TWIST2: variants seen among roughly 807,000 people sequenced by gnomAD.
TWIST2 encodes twist-related protein 2.
Under a neutral mutation model 11.6 loss-of-function variants are expected in TWIST2, and 1 was observed. The observed-to-expected ratio is 0.09, with a 90% confidence interval of 0.03 to 0.41. TWIST2 has a LOEUF of 0.41. TWIST2 is among the 10% of genes least tolerant of loss of function. The pLI, the probability that TWIST2 is intolerant of heterozygous loss-of-function variation, is 0.98. For missense variants in TWIST2, 168 were observed against 226.4 expected (o/e 0.74, Z 1.66); for synonymous variants, 87 against 96.6 (o/e 0.90, Z 0.58).
Position 238,858,692 on chromosome 2 carries a change from T to C in TWIST2, c.*35+9959T>C, listed in dbSNP as rs572819672. Reference sequence around the variant, plus strand: ...GTAAAATAATGGACTAAGTTTCTTATAGCCCTCTGGCTACTAGAATTCTAA... The same window carrying C: ...GTAAAATAATGGACTAAGTTTCTTACAGCCCTCTGGCTACTAGAATTCTAA... On this transcript the variant is annotated intron_variant, in intron 1 of 1. Coordinates refer to ENST00000612363, the MANE Select transcript of TWIST2 (RefSeq NM_001271893.4). Among the ~76,000 whole-genome samples, 132 of 152,326 alleles carry C rather than the reference T, an allele frequency of 8.7e-4. 1 individual carries two copies. Among genetic ancestry groups the C allele is most frequent in the Non-Finnish European group, 1.3e-3 (86 of 68,030 alleles).
At chr2:238,899,154 C>T (rs926874507) in intron 1 of TWIST2, among the ~76,000 whole-genome samples, 6 of 152,278 alleles carry the variant, frequency 3.9e-5, no homozygotes, top group Non-Finnish European at 7.3e-5. Context: ...GACCGCTGGC[C>T]ACGGGAGCCA....
Position 238,848,137 on chromosome 2 carries a change from C to G in TWIST2, c.-79C>G, listed in dbSNP as rs958090128. On this transcript the variant is annotated 5_prime_UTR_variant, in exon 1 of 2. Transcript: ENST00000612363. ...TTTCCAGCAACTCCGAGAGCGTGTG[C>G]TCGGCGACCGCGGGCTTGGCCAGCG... 5 of 1,122,816 alleles carry G rather than the reference C, an allele frequency of 4.5e-6. No individual in the cohort carries two copies. The highest frequency in any genetic ancestry group is 5.5e-6 in the Non-Finnish European group (5 of 912,666). The allele number at this position is 1,122,816 out of a possible 1,614,324, so 69.6% of individuals were successfully genotyped here.
chr2:238,904,569 A>G (rs1367284098), intron 1 of TWIST2, among the ~76,000 whole-genome samples: 1 of 151,882 alleles, frequency 6.6e-6, no homozygotes, highest in Admixed American at 6.6e-5. Context: ...TGACTGTCCA[A>G]CGGTGTCCAT....
chr2:238,866,678 G>A lies in TWIST2; in HGVS notation c.*35+17945G>A, dbSNP rs181803821. On this transcript the variant is annotated intron_variant, in intron 1 of 1. Coordinates refer to ENST00000612363, the MANE Select transcript of TWIST2 (RefSeq NM_001271893.4). The surrounding 1 kb of genome is among the most constrained non-coding windows in gnomAD (Gnocchi z 4.9). ...CCATGGAAAAAAAAAAGAAAAGCAC[G>A]GCGCCTTCATGTTCCATGCCTTCAC... is the stretch of plus-strand genomic sequence containing the variant. Among the ~76,000 whole-genome samples, 7 of 152,120 alleles carry A rather than the reference G, an allele frequency of 4.6e-5. No homozygotes were observed. The East Asian group carries it at 1.2e-3, about 25-fold the overall frequency.
intron 1 of TWIST2, among the ~76,000 whole-genome samples, chr2:238,855,868 C>T (rs371176126): frequency 1.3e-5 from 2 of 152,198 alleles, no homozygotes; most frequent in African/African-American, 2.4e-5. Flanking sequence ...TCAGCACCCC[C>T]GCCTCAGTGT....
intron 1 of TWIST2, among the ~76,000 whole-genome samples, chr2:238,900,587 G>A (rs966556680): frequency 1.3e-5 from 2 of 152,306 alleles, no homozygotes; most frequent in Non-Finnish European, 2.9e-5. Flanking sequence ...GCTGCTGAGC[G>A]GTGCACATTC....
chr2:238,859,823 A>G (rs146084750), intron 1 of TWIST2, among the ~76,000 whole-genome samples: 83 of 152,302 alleles, frequency 5.4e-4, no homozygotes, highest in Non-Finnish European at 9.4e-4. Context: ...GTGTCAAACA[A>G]TTCTGAGGCA....
chr2:238,856,298 T>A (rs1165772827), intron 1 of TWIST2, among the ~76,000 whole-genome samples: 1 of 152,190 alleles, frequency 6.6e-6, no homozygotes, highest in Non-Finnish European at 1.5e-5. Context: ...TTTCAGACTA[T>A]TTTTTTCTGA....
At chr2:238,871,656 CCA>C (rs1168223928) in intron 1 of TWIST2, among the ~76,000 whole-genome samples, 7 of 74,202 alleles carry the variant, frequency 9.4e-5, no homozygotes, top group African/African-American at 2.9e-4. Context: ...AACACCCCCC[CCA>C]CACACACCAT....
chr2:238,899,198 G>A (rs1367687830), intron 1 of TWIST2, among the ~76,000 whole-genome samples: 1 of 152,256 alleles, frequency 6.6e-6, no homozygotes, highest in African/African-American at 2.4e-5. Context: ...GCATCCCTAA[G>A]GCTTCAGCTG....
chr2:238,905,007 AAGG>A (rs1200653466), intron 1 of TWIST2, among the ~76,000 whole-genome samples: 1 of 151,432 alleles, frequency 6.6e-6, no homozygotes, highest in Non-Finnish European at 1.5e-5. Flanking sequence ...AAAGAAAAGA[AAGG>A]AAGGAAGGAA....
At chr2:238,906,587 A>G (rs1245728582) in intron 1 of TWIST2, among the ~76,000 whole-genome samples, 1 of 151,934 alleles carries the variant, frequency 6.6e-6, no homozygotes, top group East Asian at 1.9e-4. Context: ...CAACTTGCAC[A>G]TGGACACACA....
chr2:238,881,508 TGTTA>T (rs1278807310), intron 1 of TWIST2, among the ~76,000 whole-genome samples: 1 of 152,024 alleles, frequency 6.6e-6, no homozygotes, highest in African/African-American at 2.4e-5. Context: ...TTAATGTTGG[TGTTA>T]GTATTTGTTA....
At chr2:238,908,199 G>A (rs1289730312) in intron 1 of TWIST2, among the ~76,000 whole-genome samples, 3 of 139,930 alleles carry the variant, frequency 2.1e-5, no homozygotes, top group African/African-American at 8.2e-5. Flanking sequence ...ACATACACAC[G>A]CCACACTGTA....
chr2:238,905,291 G>T (rs1265954518), intron 1 of TWIST2, among the ~76,000 whole-genome samples: 1 of 152,140 alleles, frequency 6.6e-6, no homozygotes, highest in Non-Finnish European at 1.5e-5. Flanking sequence ...CCCATCCCCC[G>T]ACTCCTGGGC....
chr2:238,848,869 T>C (rs946302895), intron 1 of TWIST2, 136 bp downstream of exon 1: 10 of 641,150 alleles, frequency 1.6e-5, no homozygotes, highest in Non-Finnish European at 2.2e-5. Flanking sequence ...GCGCTTTTCC[T>C]CTTAGCAAGG....
chr2:238,870,153 ACACCC>A (rs1194433492), intron 1 of TWIST2, among the ~76,000 whole-genome samples: 2 of 145,152 alleles, frequency 1.4e-5, no homozygotes, highest in African/African-American at 2.6e-5. Context: ...CATACACACC[ACACCC>A]CACACACACC....
At chr2:238,890,883 G>A (rs910477919) in intron 1 of TWIST2, among the ~76,000 whole-genome samples, 3 of 152,176 alleles carry the variant, frequency 2.0e-5, no homozygotes, top group South Asian at 2.1e-4. Flanking sequence ...TCTGCCCACC[G>A]TCATCACAAA....
chr2:238,890,544 C>T (rs1043058618), intron 1 of TWIST2, among the ~76,000 whole-genome samples: 1 of 152,202 alleles, frequency 6.6e-6, no homozygotes, highest in Non-Finnish European at 1.5e-5. Flanking sequence ...GTGTGGCCAA[C>T]TCTCATTCAT....
Sources: gnomAD v4.1 joint callset for allele counts (sites outside exome capture counted in the v4.1 genomes callset) on GRCh38, gnomAD v4.1.1 for gene constraint, Gnocchi (gnomAD v3.1) non-coding constraint, MANE v1.5 for transcripts, NCBI Gene and HGNC (gene_info 2026-07-23, HGNC 2026-07-21) for gene names.